The following TRIM33 variants were observed in gnomAD, a reference collection of about 807,000 sequenced individuals.
TRIM33 encodes the protein tripartite motif containing 33.
TRIM33 carries 20 observed loss-of-function variants against 125.4 expected under a neutral mutation model. That is an observed-to-expected ratio of 0.16 (90% confidence interval 0.11 to 0.23). TRIM33 has a LOEUF of 0.23. Ranked by LOEUF, TRIM33 falls within the 10% of genes least tolerant of loss-of-function variation. TRIM33 has a pLI of 1.00. For missense variants in TRIM33, 920 were observed against 1,411.4 expected, an observed-to-expected ratio of 0.65 and a Z score of 5.58; for synonymous variants, 564 against 513.9, an observed-to-expected ratio of 1.10 and a Z score of -1.32.
rs762176694 is a variant in TRIM33 at position 114,446,375 on chromosome 1, C to CT, written c.924-12643dup. Among the ~76,000 whole-genome samples, 71 of 148,354 alleles carry CT rather than the reference C, an allele frequency of 4.8e-4. 1 individual carries two copies. Among genetic ancestry groups the CT allele is most frequent in the South Asian group, 8.5e-4 (4 of 4,718 alleles). On this transcript the variant is annotated intron_variant, in intron 4 of 19. Transcript: ENST00000358465. ...TTCTCATAACTTCCTTAAAAGACAG[C>CT]TTTTTTTTTTAAGTATTGTATGTTA...
chr1:114,486,798 C>A (rs534139050), intron 1 of TRIM33, among the ~76,000 whole-genome samples: 86 of 152,100 alleles, frequency 5.7e-4, no homozygotes, highest in African/African-American at 1.9e-3. Flanking sequence ...TTAAAAATTA[C>A]TTGAACAGGC....
intron 1 of TRIM33, among the ~76,000 whole-genome samples, chr1:114,487,874 G>A (rs567554533): frequency 5.2e-4 from 72 of 138,276 alleles, no homozygotes; most frequent in Middle Eastern, 4.3e-3. Flanking sequence ...TCCGCAGTCC[G>A]GCCTGGGCGA....
intron 17 of TRIM33, 60 bp from the exon 18 acceptor site, chr1:114,399,669 G>GA: frequency 7.3e-7 from 1 of 1,378,380 alleles, no homozygotes; most frequent in Non-Finnish European, 1.0e-6. Flanking sequence ...TGTTTAATTT[G>GA]AAAATGCATA....
chr1:114,495,452 T>G (rs1652315619), intron 1 of TRIM33, among the ~76,000 whole-genome samples: 1 of 152,216 alleles, frequency 6.6e-6, no homozygotes. Flanking sequence ...CAAAACTTCA[T>G]TCCGCAAAAT....
intron 15 of TRIM33, 49 bp from the exon 16 acceptor site, chr1:114,402,932 C>A: frequency 6.5e-7 from 1 of 1,544,048 alleles, no homozygotes; most frequent in Non-Finnish European, 8.7e-7. Flanking sequence ...AGAAAGCCTG[C>A]TCTAGAGAAG....
At chr1:114,506,697 C>T (rs954916041) in intron 1 of TRIM33, among the ~76,000 whole-genome samples, 2 of 152,066 alleles carry the variant, frequency 1.3e-5, no homozygotes, top group Admixed American at 1.3e-4. Flanking sequence ...AGCTGTTCTG[C>T]CTCAACCTGA....
At position 114,424,625 on chromosome 1, in the gene TRIM33, T is replaced by C; in HGVS notation, c.1826A>G (p.Gln609Arg). Residue 609 changes from glutamine (Q) to arginine (R), a missense_variant, in exon 10 of 20, where the codon CAA (glutamine) becomes CGA (arginine). Around this residue, in one of 8 missense-constraint regions of TRIM33, gnomAD observed 407 missense variants for 589.7 expected, o/e 0.69. Coordinates refer to ENST00000358465, the MANE Select transcript of TRIM33 (RefSeq NM_015906.4). ...IPGIPRHSGP[Q>R]YSMMQPHLQR... Reference sequence around the variant, plus strand: ...GAGGTGTGGCTGCATCATGGAATATTGAGGGCCGCTGTGCCTGGGTATCCC... The same window carrying C: ...GAGGTGTGGCTGCATCATGGAATATCGAGGGCCGCTGTGCCTGGGTATCCC... The C allele has an allele frequency of 6.2e-7, 1 of 1,607,158 alleles. No individual in the cohort carries two copies. The highest frequency in any genetic ancestry group is 8.5e-7 in the Non-Finnish European group (1 of 1,177,208).
intron 1 of TRIM33, among the ~76,000 whole-genome samples, chr1:114,497,933 G>A (rs1652470298): frequency 6.6e-6 from 1 of 151,474 alleles, no homozygotes; most frequent in Non-Finnish European, 1.5e-5. Context: ...AACAAGAGTA[G>A]GCAGAAGCAA....
chr1:114,394,745 T>A lies in TRIM33; in HGVS notation c.*2903A>T. 1 of 200,846 alleles carries A rather than the reference T, an allele frequency of 5.0e-6. No homozygotes were observed. The allele number at this position is 200,846 out of a possible 1,614,324, so 12.4% of individuals were successfully genotyped here. On this transcript the variant is annotated 3_prime_UTR_variant, in exon 20 of 20. Coordinates refer to ENST00000358465, the MANE Select transcript of TRIM33 (RefSeq NM_015906.4). Reference sequence around the variant, plus strand: ...CTACAATCTAACCATACTTTAGAACTTTCACATGCTTTGCCTCATAAAGCA... The same window carrying A: ...CTACAATCTAACCATACTTTAGAACATTCACATGCTTTGCCTCATAAAGCA...
intron 4 of TRIM33, among the ~76,000 whole-genome samples, chr1:114,436,457 T>G (rs1197923525): frequency 2.0e-5 from 3 of 151,620 alleles, no homozygotes; most frequent in Non-Finnish European, 4.4e-5. Flanking sequence ...ACGTGAATAT[T>G]TTCAGAGAGT....
chr1:114,431,657 C>A (rs1647958411), intron 5 of TRIM33, among the ~76,000 whole-genome samples: 1 of 152,182 alleles, frequency 6.6e-6, no homozygotes, highest in African/African-American at 2.4e-5. Context: ...ATACATTCTA[C>A]TTCTGTAAAA....
intron 11 of TRIM33, among the ~76,000 whole-genome samples, chr1:114,410,892 G>A (rs72696003): frequency 0.01 from 1,598 of 152,202 alleles, 12 homozygotes; most frequent in Non-Finnish European, 0.018. Flanking sequence ...CAACCTGAAC[G>A]TCAGTTTCCT....
chr1:114,511,183 G>A lies in TRIM33; in HGVS notation c.-107C>T, dbSNP rs1255864391. The A allele has an allele frequency of 6.0e-6, 6 of 996,716 alleles. No individual in the cohort carries two copies. The highest frequency in any genetic ancestry group is 7.3e-6 in the Non-Finnish European group (6 of 827,038). 61.7% of individuals were successfully genotyped at this position (996,716 alleles called of 1,614,324 possible). A position where few individuals can be genotyped will look rare whatever the true frequency, so the allele number is the denominator to read the frequency against. Reference sequence around the variant, plus strand: ...CAGCCGCAGCAAGAGCGGCAGCCGAGAGCTAGCGAGAGAGCGAACCAACGA... The same window carrying A: ...CAGCCGCAGCAAGAGCGGCAGCCGAAAGCTAGCGAGAGAGCGAACCAACGA... On this transcript the variant is annotated 5_prime_UTR_variant, in exon 1 of 20. Transcript: ENST00000358465.
At chr1:114,422,827 A>G (rs1647294737) in intron 10 of TRIM33, among the ~76,000 whole-genome samples, 1 of 152,228 alleles carries the variant, frequency 6.6e-6, no homozygotes, top group African/African-American at 2.4e-5. Context: ...TCGTTTTCTC[A>G]GCCTATAACC....
intron 6 of TRIM33, 93 bp downstream of exon 6, chr1:114,430,705 C>T: frequency 2.6e-6 from 2 of 761,656 alleles, no homozygotes; most frequent in South Asian, 1.5e-5. Flanking sequence ...TTTCCATACC[C>T]CCCAATCCAT....
At chr1:114,475,463 T>C (rs1486615763) in intron 1 of TRIM33, among the ~76,000 whole-genome samples, 1 of 152,146 alleles carries the variant, frequency 6.6e-6, no homozygotes. Flanking sequence ...AAGAGGATCA[T>C]GAGGTCAGGA....
intron 18 of TRIM33, among the ~76,000 whole-genome samples, chr1:114,398,714 AG>A (rs1651686565): frequency 6.6e-6 from 1 of 151,990 alleles, no homozygotes; most frequent in African/African-American, 2.4e-5. Context: ...CCAGCAATAA[AG>A]AGACTTTAGT....
chr1:114,485,673 C>G (rs1651638166), intron 1 of TRIM33, among the ~76,000 whole-genome samples: 2 of 152,146 alleles, frequency 1.3e-5, no homozygotes, highest in African/African-American at 4.8e-5. Context: ...CAGAGAAAGT[C>G]AGCACTCCAC....
At chr1:114,491,785 T>C (rs768296533) in intron 1 of TRIM33, among the ~76,000 whole-genome samples, 14 of 152,134 alleles carry the variant, frequency 9.2e-5, no homozygotes, top group Non-Finnish European at 1.6e-4. Context: ...GCCTGGGTGA[T>C]AGAGCAAGAC....
Sources: allele counts gnomAD v4.1 joint callset (sites outside exome capture counted in the v4.1 genomes callset), GRCh38; gene constraint gnomAD v4.1.1; regional missense constraint gnomAD v4.1.1; transcripts MANE v1.5; gene names NCBI Gene and HGNC (gene_info 2026-07-23, HGNC 2026-07-21).